HOOK3: variants seen among roughly 807,000 people sequenced by gnomAD.
HOOK3 encodes the protein hook microtubule tethering protein 3.
In HOOK3, 24 loss-of-function variants were observed where a neutral mutation model predicts 116.3. The ratio of observed to expected loss-of-function variants is 0.21; its 90% confidence interval spans 0.15 to 0.29. HOOK3 has a LOEUF of 0.29. Ranked by LOEUF, HOOK3 falls within the 10% of genes least tolerant of loss-of-function variation. The probability of loss-of-function intolerance (pLI) is 1.00; values close to 1 mark genes in which losing one functional copy is unlikely to be tolerated. For synonymous variants in HOOK3, 275 were observed against 283.0 expected, an observed-to-expected ratio of 0.97 and a Z score of 0.28; for missense variants, 632 against 830.2, an observed-to-expected ratio of 0.76 and a Z score of 2.93.
At chr8:42,939,496 G>T (rs553064260) in intron 4 of HOOK3, among the ~76,000 whole-genome samples, 1 of 143,298 alleles carries the variant, frequency 7.0e-6, no homozygotes, top group East Asian at 2.2e-4. Context: ...CTCACCTCCC[G>T]GACGGGGCGG....
chr8:42,971,135 A>G (rs1808719669), intron 11 of HOOK3, among the ~76,000 whole-genome samples: 1 of 151,932 alleles, frequency 6.6e-6, no homozygotes, highest in Non-Finnish European at 1.5e-5. Context: ...CTTAATCAGC[A>G]TAACTGGACT....
chr8:42,919,691 G>A (rs545605284), intron 2 of HOOK3, among the ~76,000 whole-genome samples: 2 of 152,208 alleles, frequency 1.3e-5, no homozygotes, highest in East Asian at 1.9e-4. Context: ...CTGCAATCCC[G>A]GCACCTCGGG....
intron 18 of HOOK3, among the ~76,000 whole-genome samples, chr8:43,008,253 C>T (rs1809531751): frequency 6.6e-6 from 1 of 151,968 alleles, no homozygotes; most frequent in Non-Finnish European, 1.5e-5. Context: ...CTCCTGACCT[C>T]GTGATCTGCC....
In HOOK3 at chr8:43,029,444, G is replaced by A. The variant is rs1051038560; in HGVS notation, c.*10946G>A. The A allele has an allele frequency of 7.9e-5, 14 of 176,366 alleles. No homozygotes were observed. Among genetic ancestry groups the A allele is most frequent in the African/African-American group, 1.4e-4 (6 of 42,176 alleles). The allele number at this position is 176,366 out of a possible 1,614,324, so 10.9% of individuals were successfully genotyped here. On this transcript the variant is annotated 3_prime_UTR_variant, in exon 22 of 22. Coordinates refer to ENST00000307602, the MANE Select transcript of HOOK3 (RefSeq NM_032410.4). ...ATTACAGGCATGAGCCACTGCGCCCGGCCCAAATCTTTTATTTTTTAACAG... is the reference window on the plus strand; with the variant it reads ...ATTACAGGCATGAGCCACTGCGCCCAGCCCAAATCTTTTATTTTTTAACAG...
chr8:42,962,608 G>A (rs1312152827), intron 8 of HOOK3, among the ~76,000 whole-genome samples: 2 of 151,212 alleles, frequency 1.3e-5, no homozygotes, highest in African/African-American at 4.9e-5. Flanking sequence ...GTCTCACTGT[G>A]TTGCCCAGGC....
rs370891895 is a variant in HOOK3, at chr8:42,932,252, G to T, written c.267+2080G>T. On this transcript the variant is annotated intron_variant, in intron 4 of 21. Transcript: ENST00000307602. ...TTGGTATTAGACACGTTGACAAAAT[G>T]TTTTTTTCCTTCGACCAGAAGTACT... is the stretch of plus-strand genomic sequence containing the variant. Among the ~76,000 whole-genome samples, 104 of 151,986 alleles carry T rather than the reference G, an allele frequency of 6.8e-4. 2 individuals carry two copies. Among genetic ancestry groups the T allele is most frequent in the Admixed American group, 1.2e-3 (18 of 15,258 alleles).
At position 43,001,103 on chromosome 8, in the gene HOOK3, AT is replaced by A. The variant is rs553828890; in HGVS notation, c.1621-991del. The A allele has an allele frequency of 5.8e-3, 823 of 142,720 alleles. 5 individuals are homozygous for A. The highest frequency in any genetic ancestry group is 9.6e-3 in the African/African-American group (373 of 39,044). 8.8% of individuals were successfully genotyped at this position (142,720 alleles called of 1,614,324 possible). A position where few individuals can be genotyped will look rare whatever the true frequency, so the allele number is the denominator to read the frequency against. ...GGCAACAAAGTGAGATCCTGTCTCT[AT>A]TTTTTTTTTTTTAATTTTTTATAAA... On this transcript the variant is annotated intron_variant, in intron 16 of 21. Transcript: ENST00000307602.
chr8:43,014,466 C>T (rs1238846915), intron 21 of HOOK3, among the ~76,000 whole-genome samples: 1 of 151,766 alleles, frequency 6.6e-6, no homozygotes, highest in East Asian at 2.0e-4. Context: ...ATTCTTCTGC[C>T]TCAGCCTTCC....
chr8:43,004,679 TAAAAAAA>T (rs71231881), intron 17 of HOOK3, among the ~76,000 whole-genome samples: 2 of 86,660 alleles, frequency 2.3e-5, no homozygotes, highest in East Asian at 3.7e-4. Context: ...AGACTCCATC[TAAAAAAA>T]AAAAAAAAAA....
chr8:42,962,992 G>A (rs924857422), intron 8 of HOOK3, among the ~76,000 whole-genome samples: 3 of 151,600 alleles, frequency 2.0e-5, no homozygotes, highest in African/African-American at 2.4e-5. Flanking sequence ...AGTAGAGATG[G>A]GGTTTCACCA....
chr8:42,919,855 T>G (rs541703016), intron 2 of HOOK3, among the ~76,000 whole-genome samples: 1 of 152,012 alleles, frequency 6.6e-6, no homozygotes, highest in African/African-American at 2.4e-5. Flanking sequence ...GGCAGGAGAA[T>G]CAGGCAGGGA....
At chr8:43,007,170 A>T (rs1809509008) in intron 17 of HOOK3, among the ~76,000 whole-genome samples, 1 of 151,672 alleles carries the variant, frequency 6.6e-6, no homozygotes, top group Non-Finnish European at 1.5e-5. Context: ...AGCACCCACC[A>T]CCACACCCGG....
rs938300933 is a variant in HOOK3, at chr8:42,897,261, C to T, written c.57+73C>T. ...CTACCGGGACCCTCCACGCGCGGCC[C>T]GTGGGGCGAGCGCTGCGGGCGACGG... On this transcript the variant is annotated intron_variant, in intron 1 of 21. Coordinates refer to ENST00000307602, the MANE Select transcript of HOOK3 (RefSeq NM_032410.4). 1.1e-4 allele frequency: 113 copies of T among 1,058,450 alleles called. No individual in the cohort carries two copies. In the African/African-American group the frequency reaches 1.7e-3, roughly 16 times the overall value. 65.6% of individuals were successfully genotyped at this position (1,058,450 alleles called of 1,614,324 possible).
At chr8:42,984,649 G>A (rs1809015602) in intron 14 of HOOK3, among the ~76,000 whole-genome samples, 1 of 152,066 alleles carries the variant, frequency 6.6e-6, no homozygotes, top group African/African-American at 2.4e-5. Context: ...CATCCAAAAT[G>A]CCAGCGCTTC....
chr8:43,000,328 G>A, intron 16 of HOOK3: 1 of 1,162,650 alleles, frequency 8.6e-7, no homozygotes, highest in South Asian at 1.3e-5. Flanking sequence ...TTTGGATTTA[G>A]ACTGCCATCA....
At chr8:42,921,890 TGTCCAGTACTTG>T (rs1260058708) in intron 2 of HOOK3, among the ~76,000 whole-genome samples, 2 of 152,204 alleles carry the variant, frequency 1.3e-5, no homozygotes, top group African/African-American at 4.8e-5. Flanking sequence ...CAGAGAGTAT[TGTCCAGTACTTG>T]GTGAGGCCCA....
intron 13 of HOOK3, among the ~76,000 whole-genome samples, chr8:42,979,232 G>A (rs896647414): frequency 6.6e-6 from 1 of 152,078 alleles, no homozygotes; most frequent in Admixed American, 6.6e-5. Context: ...AAATTGTGCC[G>A]GTTCACTCCA....
chr8:42,965,584 C>A (rs1322743364), intron 9 of HOOK3, among the ~76,000 whole-genome samples: 1 of 152,118 alleles, frequency 6.6e-6, no homozygotes, highest in African/African-American at 2.4e-5. Flanking sequence ...TATTTTGTTA[C>A]GGTTTACTAA....
At chr8:42,897,297 TC>T in intron 1 of HOOK3, 109 bp downstream of exon 1, 1 of 479,794 alleles carries the variant, frequency 2.1e-6, no homozygotes, top group Middle Eastern at 5.9e-4. Flanking sequence ...TGCCGTCACA[TC>T]CGGGGCCTGG....
Sources: gnomAD v4.1 joint callset for allele counts (sites outside exome capture counted in the v4.1 genomes callset) on GRCh38, gnomAD v4.1.1 for gene constraint, MANE v1.5 for transcripts, NCBI Gene and HGNC (gene_info 2026-07-23, HGNC 2026-07-21) for gene names.